The following GPC5 variants were observed in gnomAD, a reference collection of about 807,000 sequenced individuals.
GPC5 encodes glypican 5.
In GPC5, 47 loss-of-function variants were observed where a neutral mutation model predicts 53.9. The observed-to-expected ratio is 0.87, with a 90% CI of 0.69 to 1.11. The LOEUF is 1.11. Ranked by LOEUF, GPC5 falls within the 50% of genes most tolerant of loss-of-function variation. The probability of loss-of-function intolerance (pLI) is 0.00; values close to 1 mark genes in which losing one functional copy is unlikely to be tolerated. For missense variants in GPC5, 748 were observed against 713.1 expected, an observed-to-expected ratio of 1.05 and a Z score of -0.56; for synonymous variants, 286 against 263.3, an observed-to-expected ratio of 1.09 and a Z score of -0.84.
intron 7 of GPC5, among the ~76,000 whole-genome samples, chr13:92,352,530 A>G (rs764614130): frequency 3.9e-5 from 6 of 152,132 alleles, no homozygotes; most frequent in South Asian, 2.1e-4. Context: ...TAATAATTCA[A>G]TGGAAAACTG....
chr13:91,420,179 C>G (rs1454831568), intron 1 of GPC5, among the ~76,000 whole-genome samples: 1 of 152,148 alleles, frequency 6.6e-6, no homozygotes, highest in Non-Finnish European at 1.5e-5. Flanking sequence ...GCAATCCAAC[C>G]CTTTTTGTTA....
At chr13:92,275,067 T>C (rs577430543) in intron 7 of GPC5, among the ~76,000 whole-genome samples, 28 of 151,432 alleles carry the variant, frequency 1.8e-4, no homozygotes, top group Admixed American at 5.3e-4. Flanking sequence ...TGAATTTGCT[T>C]CACTTTATTC....
chr13:91,737,260 C>T (rs2036836382), intron 4 of GPC5, among the ~76,000 whole-genome samples: 1 of 151,398 alleles, frequency 6.6e-6, no homozygotes, highest in Non-Finnish European at 1.5e-5. Flanking sequence ...TGACTGATTC[C>T]ATTTTGGTTT....
At chr13:91,857,806 G>GTCTA (rs879617399) in intron 5 of GPC5, among the ~76,000 whole-genome samples, 1 of 151,196 alleles carries the variant, frequency 6.6e-6, no homozygotes, top group Non-Finnish European at 1.5e-5. Flanking sequence ...TCTACTCTTA[G>GTCTA]TCTACTCTGA....
chr13:91,906,786 T>C (rs2039557291), intron 5 of GPC5, among the ~76,000 whole-genome samples: 1 of 151,978 alleles, frequency 6.6e-6, no homozygotes, highest in Non-Finnish European at 1.5e-5. Context: ...AAATTTCAAA[T>C]GGCTTTCACC....
intron 7 of GPC5, among the ~76,000 whole-genome samples, chr13:92,280,014 A>C (rs1209793457): frequency 2.0e-5 from 3 of 152,104 alleles, no homozygotes; most frequent in Admixed American, 1.3e-4. Flanking sequence ...GATAGAATTC[A>C]CCAGAGAAGT....
chr13:92,069,724 C>A (rs2041195969), intron 6 of GPC5, among the ~76,000 whole-genome samples: 1 of 152,048 alleles, frequency 6.6e-6, no homozygotes, highest in African/African-American at 2.4e-5. Flanking sequence ...TCATGACTAT[C>A]AAATTATTTC....
chr13:92,768,936 G>A (rs996778246), intron 7 of GPC5, among the ~76,000 whole-genome samples: 5 of 151,838 alleles, frequency 3.3e-5, no homozygotes, highest in Non-Finnish European at 7.4e-5. Context: ...CATTTTAAAG[G>A]GAAAAACATC....
At chr13:92,016,405 C>T (rs983559284) in intron 6 of GPC5, among the ~76,000 whole-genome samples, 5 of 152,098 alleles carry the variant, frequency 3.3e-5, no homozygotes, top group East Asian at 3.9e-4. Context: ...CTCACAGCTA[C>T]GTGACAGTAA....
intron 6 of GPC5, among the ~76,000 whole-genome samples, chr13:91,993,567 G>A (rs1254262427): frequency 6.6e-6 from 1 of 152,172 alleles, no homozygotes; most frequent in Non-Finnish European, 1.5e-5. Flanking sequence ...CAATTGTCAT[G>A]TAATTCTGGT....
intron 7 of GPC5, among the ~76,000 whole-genome samples, chr13:92,827,253 C>T (rs776640323): frequency 6.6e-6 from 1 of 152,066 alleles, no homozygotes; most frequent in Non-Finnish European, 1.5e-5. Context: ...ATTTTGCATC[C>T]AGACAGAAAG....
At chr13:91,706,280 G>A (rs534365209) in intron 3 of GPC5, among the ~76,000 whole-genome samples, 7 of 151,764 alleles carry the variant, frequency 4.6e-5, no homozygotes, top group Admixed American at 1.3e-4. Context: ...AGATTGATAA[G>A]TAGCAAATAA....
At chr13:92,414,956 T>G (rs1594182085) in intron 7 of GPC5, among the ~76,000 whole-genome samples, 1 of 152,166 alleles carries the variant, frequency 6.6e-6, no homozygotes, top group Non-Finnish European at 1.5e-5. Flanking sequence ...TTCGGGGATA[T>G]AGACATTCAG....
At position 92,540,935 on chromosome 13, in the gene GPC5, G is replaced by A. The variant is rs146131017; in HGVS notation, c.1562-325347G>A. Among the ~76,000 whole-genome samples, 56 of 151,816 alleles carry A rather than the reference G, an allele frequency of 3.7e-4. 2 individuals are homozygous for A. The East Asian group carries it at 0.011, about 29-fold the overall frequency. ...TGAAGTATGGTAGGTGGACTAGCAG[G>A]GAATACTAGCTGGTTCTAAAATGTA... On this transcript the variant is annotated intron_variant, in intron 7 of 7. Transcript: ENST00000377067.
chr13:91,907,187 A>G (rs1370322923), intron 5 of GPC5, among the ~76,000 whole-genome samples: 9 of 149,274 alleles, frequency 6.0e-5, no homozygotes, highest in African/African-American at 2.0e-4. Flanking sequence ...TTATTGATGT[A>G]TACTGCCAAA....
intron 7 of GPC5, among the ~76,000 whole-genome samples, chr13:92,641,412 GAA>G (rs1885590875): frequency 1.3e-5 from 2 of 152,234 alleles, no homozygotes; most frequent in South Asian, 4.1e-4. Flanking sequence ...CCATGATAAA[GAA>G]AGGCAGAGAA....
At chr13:92,359,158 C>T (rs1309859490) in intron 7 of GPC5, among the ~76,000 whole-genome samples, 1 of 151,698 alleles carries the variant, frequency 6.6e-6, no homozygotes, top group Non-Finnish European at 1.5e-5. Flanking sequence ...TGCTTTGCTG[C>T]TTGGAAATTT....
intron 7 of GPC5, among the ~76,000 whole-genome samples, chr13:92,173,935 T>C (rs1396182993): frequency 1.3e-5 from 2 of 152,034 alleles, no homozygotes; most frequent in Admixed American, 6.5e-5. Context: ...TGAAACCCCA[T>C]GTCTACTAAA....
chr13:91,809,388 G>C (rs954188050), intron 5 of GPC5, among the ~76,000 whole-genome samples: 1 of 152,082 alleles, frequency 6.6e-6, no homozygotes. Flanking sequence ...AGTTTTTTCT[G>C]ACACTAAGTT....
Sources: allele counts gnomAD v4.1 joint callset (sites outside exome capture counted in the v4.1 genomes callset), GRCh38; gene constraint gnomAD v4.1.1; transcripts MANE v1.5; gene names NCBI Gene and HGNC (gene_info 2026-07-23, HGNC 2026-07-21).